FAIM2: variants seen among roughly 807,000 people sequenced by gnomAD.
FAIM2 encodes the protein Fas apoptotic inhibitory molecule 2, also known as protein lifeguard 2.
In FAIM2, 27 loss-of-function variants were observed where a neutral mutation model predicts 47.4. That is an observed-to-expected ratio of 0.57 (90% confidence interval 0.42 to 0.78). FAIM2 has a LOEUF of 0.78. Among genes scored for constraint, FAIM2 ranks in the 30% least tolerant of loss-of-function variants. The probability of loss-of-function intolerance (pLI) is 0.00; values close to 1 mark genes in which losing one functional copy is unlikely to be tolerated. For missense variants in FAIM2, 311 were observed against 389.4 expected, an observed-to-expected ratio of 0.80 and a Z score of 1.69; for synonymous variants, 156 against 159.3, an observed-to-expected ratio of 0.98 and a Z score of 0.16.
chr12:49,880,546 GCA>G (rs1435581575), intron 11 of FAIM2, among the ~76,000 whole-genome samples: 2 of 60,954 alleles, frequency 3.3e-5, no homozygotes, highest in African/African-American at 2.0e-4. Context: ...GTGTATGTAT[GCA>G]TGCGTGTGTG....
At chr12:49,887,323 G>A (rs1946868599) in intron 11 of FAIM2, 63 bp downstream of exon 11, 2 of 1,451,274 alleles carry the variant, frequency 1.4e-6, no homozygotes, top group Non-Finnish European at 1.9e-6. Context: ...GGGAGGAGAA[G>A]GGGACTGGGG....
intron 5 of FAIM2, among the ~76,000 whole-genome samples, chr12:49,896,290 C>G (rs1024663158): frequency 2.0e-4 from 31 of 152,128 alleles, no homozygotes; most frequent in Admixed American, 2.6e-4. Context: ...CTTAATTACC[C>G]AGAAAGGAGG....
intron 11 of FAIM2, among the ~76,000 whole-genome samples, chr12:49,877,816 GTA>G (rs1174365675): frequency 1.3e-5 from 2 of 151,276 alleles, no homozygotes; most frequent in East Asian, 3.9e-4. Flanking sequence ...GTGCGTATGT[GTA>G]TGTGTGTCTA....
At position 49,868,661 on chromosome 12, in the gene FAIM2, G is replaced by A. The variant is rs186740048; in HGVS notation, c.*1843C>T. 0.011 allele frequency: 1,681 copies of A among 152,278 alleles called. 20 individuals carry two copies. Among genetic ancestry groups the A allele is most frequent in the Non-Finnish European group, 0.017 (1,169 of 68,056 alleles). 9.4% of individuals were successfully genotyped at this position (152,278 alleles called of 1,614,324 possible). A position where few individuals can be genotyped will look rare whatever the true frequency, so the allele number is the denominator to read the frequency against. ...AGCTGTGGGTCTGAACCCCAGGCCC[G>A]CCACTCGCTAGCCGTATGACCTGGG... On this transcript the variant is annotated 3_prime_UTR_variant, in exon 12 of 12. Transcript: ENST00000320634.
At chr12:49,889,427 T>G in intron 9 of FAIM2, 54 bp downstream of exon 9, 1 of 1,521,896 alleles carries the variant, frequency 6.6e-7, no homozygotes, top group Non-Finnish European at 9.1e-7. Flanking sequence ...CCCATCTGCC[T>G]TCCCCTGCTC....
chr12:49,900,395 G>A (rs1338585119), intron 2 of FAIM2: 4 of 285,862 alleles, frequency 1.4e-5, no homozygotes, highest in Admixed American at 8.7e-5. Flanking sequence ...AGAGCTTTTG[G>A]GAAGCTATAC....
At chr12:49,880,167 T>C (rs28972239) in intron 11 of FAIM2, among the ~76,000 whole-genome samples, 5 of 143,510 alleles carry the variant, frequency 3.5e-5, no homozygotes, top group Admixed American at 6.9e-5. Context: ...TGCATGTGTG[T>C]ATGTGTGTGT....
intron 11 of FAIM2, among the ~76,000 whole-genome samples, chr12:49,880,494 A>ATGTGTGTATATGTG (rs138185909): frequency 2.4e-4 from 34 of 138,938 alleles, no homozygotes; most frequent in East Asian, 6.4e-4. Context: ...ATGCATGTGT[A>ATGTGTGTATATGTG]TGTGTGTGTA....
intron 11 of FAIM2, among the ~76,000 whole-genome samples, chr12:49,882,258 G>C (rs1034940804): frequency 6.6e-6 from 1 of 152,164 alleles, no homozygotes; most frequent in Non-Finnish European, 1.5e-5. Flanking sequence ...GAGAGACCAG[G>C]GGGTGCTGGG....
At position 49,869,594 on chromosome 12, in the gene FAIM2, C is replaced by G. The variant is rs1041150464; in HGVS notation, c.*910G>C. On this transcript the variant is annotated 3_prime_UTR_variant, in exon 12 of 12. Coordinates refer to ENST00000320634, the MANE Select transcript of FAIM2 (RefSeq NM_012306.4). ...CAGCTACAGCGATTGCCTCCTCCCC[C>G]AGAACATCCAGCCGGAGGGCCCAAT... 8.5e-5 allele frequency: 13 copies of G among 152,588 alleles called. No homozygotes were observed. Among genetic ancestry groups the G allele is most frequent in the African/African-American group, 3.1e-4 (13 of 41,458 alleles). The allele number at this position is 152,588 out of a possible 1,614,324, so 9.5% of individuals were successfully genotyped here. A position where few individuals can be genotyped will look rare whatever the true frequency, so the allele number is the denominator to read the frequency against.
intron 11 of FAIM2, among the ~76,000 whole-genome samples, chr12:49,871,626 T>C (rs1300111186): frequency 6.6e-6 from 1 of 152,066 alleles, no homozygotes; most frequent in Non-Finnish European, 1.5e-5. Context: ...GATGAAGCAC[T>C]GATCCACGTG....
At chr12:49,880,052 ATATGTATT>A (rs1946798170) in intron 11 of FAIM2, among the ~76,000 whole-genome samples, 19 of 134,076 alleles carry the variant, frequency 1.4e-4, no homozygotes, top group African/African-American at 4.5e-4. Flanking sequence ...GCATGTGTAT[ATATGTATT>A]TATTTGTGTG....
chr12:49,901,803 G>A (rs1476852156), intron 1 of FAIM2: 1 of 152,672 alleles, frequency 6.5e-6, no homozygotes, highest in Non-Finnish European at 1.5e-5. Flanking sequence ...GGCCCACTGA[G>A]AGGCAGGGCC....
rs1207538697 is a variant in FAIM2, at chr12:49,879,245, T to C, written c.801+8141A>G. Among the ~76,000 whole-genome samples, 3 of 115,488 alleles carry C rather than the reference T, an allele frequency of 2.6e-5. 1 individual carries two copies. Among genetic ancestry groups the C allele is most frequent in the Non-Finnish European group, 4.9e-5 (3 of 61,390 alleles). The allele number at this position is 115,488 out of a possible 152,430, so 75.8% of individuals were successfully genotyped here. A position where few individuals can be genotyped will look rare whatever the true frequency, so the allele number is the denominator to read the frequency against. ...GCATGTGTGTATGTATGCATGCATG[T>C]GTGTGCATGTGTGTATGTGTGCATG... On this transcript the variant is annotated intron_variant, in intron 11 of 11. Coordinates refer to ENST00000320634, the MANE Select transcript of FAIM2 (RefSeq NM_012306.4).
chr12:49,882,147 T>C (rs887267667), intron 11 of FAIM2, among the ~76,000 whole-genome samples: 3 of 152,190 alleles, frequency 2.0e-5, no homozygotes, highest in African/African-American at 7.2e-5. Context: ...CTGCATGCAG[T>C]GTGCTGTGTC....
Position 49,890,136 on chromosome 12 carries a change from G to A in FAIM2, c.544C>T (p.Leu182Phe). The change falls in exon 8 of 12, where the codon CTC becomes TTC. Residue 182 changes from leucine to phenylalanine, a missense_variant. Leu to Phe is a conservative substitution (Grantham distance 22). Transcript: ENST00000320634. ...LTVFTLSMAY[L>F]TGMLSSYYNT... Reference sequence around the variant, plus strand: ...CTTTACCTGGACAGCATCCCAGTGAGGTAGGCCATGGACAGGGTCTGAAAG... The same window carrying A: ...CTTTACCTGGACAGCATCCCAGTGAAGTAGGCCATGGACAGGGTCTGAAAG... The A allele has an allele frequency of 1.2e-6, 2 of 1,614,086 alleles. No individual in the cohort carries two copies. The highest frequency in any genetic ancestry group is 1.7e-6 in the Non-Finnish European group (2 of 1,179,962).
chr12:49,889,777 G>C (rs191393510), intron 8 of FAIM2, among the ~76,000 whole-genome samples: 142 of 152,278 alleles, frequency 9.3e-4, no homozygotes, highest in African/African-American at 3.0e-3. Context: ...AATCAAATTA[G>C]AAGGATCTTG....
At chr12:49,871,208 C>T (rs762704519) in intron 11 of FAIM2, among the ~76,000 whole-genome samples, 4 of 152,174 alleles carry the variant, frequency 2.6e-5, no homozygotes, top group African/African-American at 9.7e-5. Context: ...CTACAGGAAG[C>T]GAGGCCCAGA....
intron 11 of FAIM2, among the ~76,000 whole-genome samples, chr12:49,871,252 G>C (rs1946700411): frequency 6.6e-6 from 1 of 152,198 alleles, no homozygotes; most frequent in South Asian, 2.1e-4. Context: ...TACACAGCTG[G>C]AAAGTGGCAA....
Sources: gnomAD v4.1 joint callset for allele counts (sites outside exome capture counted in the v4.1 genomes callset) on GRCh38, gnomAD v4.1.1 for gene constraint, MANE v1.5 for transcripts, NCBI Gene and HGNC (gene_info 2026-07-23, HGNC 2026-07-21) for gene names.